Variants in WRN observed in about 807,000 individuals in gnomAD.
WRN encodes the protein WRN RecQ like helicase, also known as bifunctional 3'-5' exonuclease/ATP-dependent helicase WRN.
In WRN, 149 loss-of-function variants were observed where a neutral mutation model predicts 180.7. The observed-to-expected ratio is 0.82, with a 90% CI of 0.72 to 0.94. WRN has a LOEUF of 0.94. WRN is among the 40% of genes least tolerant of loss of function. The pLI, the probability that WRN is intolerant of heterozygous loss-of-function variation, is 0.00. For synonymous variants in WRN, 548 were observed against 568.9 expected (o/e 0.96, Z 0.52); for missense variants, 1,661 against 1,700.1 (o/e 0.98, Z 0.40).
At chr8:31,138,448 T>C (rs1336856827) in intron 24 of WRN, among the ~76,000 whole-genome samples, 2 of 152,196 alleles carry the variant, frequency 1.3e-5, no homozygotes, top group African/African-American at 4.8e-5. Flanking sequence ...TTTGTTTTTG[T>C]GGCAAAAGCA....
At chr8:31,121,865 G>T (rs1246862025) in intron 21 of WRN, among the ~76,000 whole-genome samples, 1 of 151,870 alleles carries the variant, frequency 6.6e-6, no homozygotes, top group Non-Finnish European at 1.5e-5. Flanking sequence ...TTAGACAGTT[G>T]TATCTGTCAA....
At chr8:31,067,627 T>A (rs372630751) in intron 6 of WRN, among the ~76,000 whole-genome samples, 5 of 152,196 alleles carry the variant, frequency 3.3e-5, no homozygotes, top group African/African-American at 1.2e-4. Context: ...AAAAATTGCC[T>A]CCAAATTTAG....
chr8:31,115,458 G>A (rs561276844), intron 19 of WRN, among the ~76,000 whole-genome samples: 1 of 152,124 alleles, frequency 6.6e-6, no homozygotes, highest in Non-Finnish European at 1.5e-5. Flanking sequence ...CTTAGTATGA[G>A]TGTAGATAAT....
chr8:31,126,317 A>C (rs1482331066), intron 23 of WRN, among the ~76,000 whole-genome samples: 1 of 152,212 alleles, frequency 6.6e-6, no homozygotes. Context: ...GAATGGAATT[A>C]AACTAGAAAA....
At chr8:31,064,526 G>C in intron 4 of WRN, 92 bp downstream of exon 4, 1 of 1,527,550 alleles carries the variant, frequency 6.5e-7, no homozygotes, top group Non-Finnish European at 9.0e-7. Context: ...TTAGCTGGCC[G>C]TTCTCTCATT....
At chr8:31,135,665 G>C (rs1802370353) in intron 24 of WRN, among the ~76,000 whole-genome samples, 1 of 152,114 alleles carries the variant, frequency 6.6e-6, no homozygotes, top group African/African-American at 2.4e-5. Context: ...GTAGATTTTG[G>C]TGTGATACTG....
At chr8:31,037,032 C>T (rs1811475467) in intron 1 of WRN, among the ~76,000 whole-genome samples, 1 of 152,146 alleles carries the variant, frequency 6.6e-6, no homozygotes, top group African/African-American at 2.4e-5. Context: ...ATTTCAAGCG[C>T]ATTACATTTA....
chr8:31,044,288 G>T (rs1376913206), intron 1 of WRN, among the ~76,000 whole-genome samples: 3 of 148,216 alleles, frequency 2.0e-5, no homozygotes, highest in Non-Finnish European at 3.0e-5. Context: ...TTATCTGCCC[G>T]CCTTGGCTTC....
At chr8:31,115,084 C>T (rs111369736) in intron 19 of WRN, among the ~76,000 whole-genome samples, 4,675 of 151,890 alleles carry the variant, frequency 0.031, 254 homozygotes, top group African/African-American at 0.11. Flanking sequence ...TTAGTAGAGA[C>T]GGGGTTTCAC....
intron 5 of WRN, 59 bp from the exon 6 acceptor site, chr8:31,066,974 T>G: frequency 1.3e-6 from 2 of 1,594,116 alleles, no homozygotes; most frequent in Non-Finnish European, 1.7e-6. Context: ...TTTGATATCA[T>G]TTGGTAATAC....
rs142109468 is a variant in WRN at position 31,147,432 on chromosome 8, T to C, written c.3528T>C (p.Ala1176=). 2.5e-5 allele frequency: 40 copies of C among 1,613,998 alleles called. 1 individual carries two copies. In the Admixed American group the frequency reaches 3.8e-4, roughly 15 times the overall value. The change falls in exon 30 of 35, where the codon GCT becomes GCC. Residue 1176 remains alanine, a synonymous_variant. Transcript: ENST00000298139. ...KHANKMDVPP[A]ILATNKILVD... ...CCAATAAAATGGATGTTCCCCCAGC[T>C]ATTCTGGCAACAAACAAGATACTGG...
At chr8:31,062,000 T>G (rs190026106) in intron 3 of WRN, among the ~76,000 whole-genome samples, 1 of 152,160 alleles carries the variant, frequency 6.6e-6, no homozygotes, top group Non-Finnish European at 1.5e-5. Context: ...TCCAGGTCCT[T>G]CAGCTTCCAG....
intron 33 of WRN, among the ~76,000 whole-genome samples, chr8:31,157,950 ACTC>A (rs1386620776): frequency 6.6e-6 from 1 of 151,666 alleles, no homozygotes; most frequent in African/African-American, 2.4e-5. Context: ...CAGGTCTCGA[ACTC>A]CTGACCTCTG....
chr8:31,103,543 C>T (rs114522053), intron 18 of WRN, among the ~76,000 whole-genome samples: 207 of 144,446 alleles, frequency 1.4e-3, no homozygotes, highest in African/African-American at 5.0e-3. Context: ...ACAGAAATGC[C>T]GTTAAGTACC....
Position 31,064,349 on chromosome 8 carries a change from TA to T in WRN, c.271del (p.Arg91GlufsTer9). On this transcript the variant is annotated frameshift_variant, in exon 4 of 35. Coordinates refer to ENST00000298139, the MANE Select transcript of WRN (RefSeq NM_000553.6). LOFTEE classifies it high-confidence loss of function. Reference sequence around the variant, plus strand: ...ACATGGAGTGGCCACCATTATACAATAGAGGGAAACTTGGCAAAGTTGCACT... The same window carrying T: ...ACATGGAGTGGCCACCATTATACAATGAGGGAAACTTGGCAAAGTTGCACT... ...FDMEWPPLYN[R>X]GKLGKVALIQ... 1 of 1,614,122 alleles carries T rather than the reference TA, an allele frequency of 6.2e-7. No homozygotes were observed. The highest frequency in any genetic ancestry group is 8.5e-7 in the Non-Finnish European group (1 of 1,180,014).
At chr8:31,172,945 C>CT in intron 34 of WRN, 50 bp from the exon 35 acceptor site, 5 of 1,573,412 alleles carry the variant, frequency 3.2e-6, no homozygotes, top group Non-Finnish European at 4.4e-6. Flanking sequence ...ACTAATACCC[C>CT]TTCTCAGTAG....
At chr8:31,132,163 C>G (rs1585501701) in intron 23 of WRN, among the ~76,000 whole-genome samples, 2 of 152,146 alleles carry the variant, frequency 1.3e-5, no homozygotes, top group African/African-American at 4.8e-5. Context: ...ATCAGCGTAA[C>G]ATATCTGTTA....
intron 24 of WRN, among the ~76,000 whole-genome samples, chr8:31,141,004 C>A (rs922982236): frequency 6.6e-6 from 1 of 152,176 alleles, no homozygotes; most frequent in Admixed American, 6.5e-5. Flanking sequence ...ATCTGCCTGC[C>A]TTGGCCTCCC....
At chr8:31,124,700 A>C (rs1379875125) in intron 22 of WRN, 77 bp downstream of exon 22, 1 of 1,403,750 alleles carries the variant, frequency 7.1e-7, no homozygotes, top group African/African-American at 1.4e-5. Context: ...TGGCTAAATA[A>C]TTATCAGTAT....
Sources: gnomAD v4.1 joint callset for allele counts (sites outside exome capture counted in the v4.1 genomes callset) on GRCh38, gnomAD v4.1.1 for gene constraint, MANE v1.5 for transcripts, NCBI Gene and HGNC (gene_info 2026-07-23, HGNC 2026-07-21) for gene names.